The following DNAH11 variants were observed in gnomAD, a reference collection of about 807,000 sequenced individuals.
DNAH11 encodes dynein axonemal heavy chain 11, also known as axonemal beta dynein heavy chain 11.
DNAH11 carries 442 observed loss-of-function variants against 526.0 expected under a neutral mutation model. The ratio of observed to expected loss-of-function variants is 0.84; its 90% CI spans 0.78 to 0.91. DNAH11 has a LOEUF of 0.91. Ranked by LOEUF, DNAH11 falls within the 40% of genes least tolerant of loss-of-function variation. The pLI, the probability that DNAH11 is intolerant of heterozygous loss-of-function variation, is 0.00. For synonymous variants in DNAH11, 2,461 were observed against 1,935.9 expected (o/e 1.27, Z -7.12); for missense variants, 6,989 against 5,448.7 (o/e 1.28, Z -8.90).
At chr7:21,722,584 T>C (rs1784920980) in intron 44 of DNAH11, among the ~76,000 whole-genome samples, 1 of 152,148 alleles carries the variant, frequency 6.6e-6, no homozygotes, top group Admixed American at 6.5e-5. Flanking sequence ...TATAATAATA[T>C]AGTTGGAATT....
chr7:21,727,884 C>G lies in DNAH11; in HGVS notation c.7440+1900C>G, dbSNP rs185917352. 2.8e-4 allele frequency among the ~76,000 whole-genome samples: 43 copies of G among 152,280 alleles called. 1 individual carries two copies. The highest frequency in any genetic ancestry group is 1.0e-3 in the African/African-American group (43 of 41,566). ...GAGACACTGAGGGGTTTTGTTTCTCCTGCAGCCTTTCTCCTCGGTTTGCTG... is the reference window on the plus strand; with the variant it reads ...GAGACACTGAGGGGTTTTGTTTCTCGTGCAGCCTTTCTCCTCGGTTTGCTG... On this transcript the variant is annotated intron_variant, in intron 45 of 81. Coordinates refer to ENST00000409508, the MANE Select transcript of DNAH11 (RefSeq NM_001277115.2).
intron 57 of DNAH11, among the ~76,000 whole-genome samples, chr7:21,781,404 A>G (rs1353859951): frequency 6.6e-6 from 1 of 152,220 alleles, no homozygotes; most frequent in Non-Finnish European, 1.5e-5. Context: ...AGTGACTTCC[A>G]AATCACACAA....
intron 66 of DNAH11, 133 bp from the exon 67 acceptor site, chr7:21,852,334 G>A: frequency 1.2e-6 from 1 of 814,424 alleles, no homozygotes; most frequent in South Asian, 2.2e-5. Flanking sequence ...TTTAACCCAG[G>A]AGGCACACGT....
Position 21,843,051 on chromosome 7 carries a change from AC to A in DNAH11, c.10896+304del, listed in dbSNP as rs1782275821. Among the ~76,000 whole-genome samples the A allele has an allele frequency of 2.6e-5, 4 of 152,332 alleles. No individual in the cohort carries two copies. In the South Asian group the frequency reaches 8.3e-4, roughly 32 times the overall value. ...GCCCAGGTATGTTGGAATGTAATCGACTAATTTAGCCTGGGCTAAAGAATGA... is the reference window on the plus strand; with the variant it reads ...GCCCAGGTATGTTGGAATGTAATCGATAATTTAGCCTGGGCTAAAGAATGA... On this transcript the variant is annotated intron_variant, in intron 66 of 81. Transcript: ENST00000409508.
At position 21,588,980 on chromosome 7, in the gene DNAH11, C is replaced by T. The variant is rs557675034; in HGVS notation, c.1974-228C>T. ...TACCTTTTTCTTCTCTTCCTAGGAG[C>T]CAGTAGCTTGTTGCTATCAACATTT... On this transcript the variant is annotated intron_variant, in intron 11 of 81. Transcript: ENST00000409508. Among the ~76,000 whole-genome samples, 9 of 152,194 alleles carry T rather than the reference C, an allele frequency of 5.9e-5. No individual in the cohort carries two copies. The South Asian group carries it at 1.9e-3, about 32-fold the overall frequency.
intron 28 of DNAH11, among the ~76,000 whole-genome samples, chr7:21,654,816 C>T (rs1441743137): frequency 6.6e-6 from 1 of 152,114 alleles, no homozygotes; most frequent in African/African-American, 2.4e-5. Flanking sequence ...AGTCTGTTCT[C>T]TTTTTGTCTC....
intron 25 of DNAH11, among the ~76,000 whole-genome samples, chr7:21,631,228 G>C (rs2140584): frequency 2.6e-5 from 4 of 152,162 alleles, no homozygotes; most frequent in East Asian, 1.9e-4. Context: ...CCGTGATTCA[G>C]TTACCTCCCA....
chr7:21,675,024 G>C (rs147389228), intron 30 of DNAH11, among the ~76,000 whole-genome samples: 35 of 152,254 alleles, frequency 2.3e-4, no homozygotes, highest in African/African-American at 8.4e-4. Flanking sequence ...CCTAGACCAA[G>C]CCACTCTCTT....
chr7:21,617,770 C>G lies in DNAH11; in HGVS notation c.4247C>G (p.Ala1416Gly). Reference sequence around the variant, plus strand: ...AGGCATTGGCACCAGCTGATGAAAGCTATTGGGGTCAGTATCCTTGGTCTC... The same window carrying G: ...AGGCATTGGCACCAGCTGATGAAAGGTATTGGGGTCAGTATCCTTGGTCTC... ...RDRHWHQLMKAIGVKFLINEA... is the reference protein window; with the variant it reads ...RDRHWHQLMKGIGVKFLINEA... The change falls in exon 23 of 82, where the codon GCT (alanine) becomes GGT (glycine). Residue 1416 changes from alanine to glycine, a missense_variant. Transcript: ENST00000409508. The G allele has an allele frequency of 6.3e-7, 1 of 1,597,038 alleles. No homozygotes were observed. Among genetic ancestry groups the G allele is most frequent in the Non-Finnish European group, 8.5e-7 (1 of 1,172,816 alleles).
intron 36 of DNAH11, among the ~76,000 whole-genome samples, 163 bp downstream of exon 36, chr7:21,698,376 A>G (rs940471345): frequency 6.6e-6 from 1 of 152,166 alleles, no homozygotes; most frequent in Admixed American, 6.6e-5. Flanking sequence ...TTTTGGTTAC[A>G]TGGATAAGTT....
intron 61 of DNAH11, among the ~76,000 whole-genome samples, chr7:21,794,467 A>G (rs577108320): frequency 1.3e-5 from 2 of 152,280 alleles, no homozygotes; most frequent in East Asian, 3.9e-4. Context: ...TTTCAGCACT[A>G]TATGGAACAT....
At chr7:21,781,225 T>G (rs1199668866) in intron 57 of DNAH11, among the ~76,000 whole-genome samples, 1 of 152,220 alleles carries the variant, frequency 6.6e-6, no homozygotes, top group East Asian at 1.9e-4. Context: ...AAAGTAATGC[T>G]GCATAACTCA....
chr7:21,655,608 TCATCAGC>T lies in DNAH11; in HGVS notation c.4945-221_4945-215del, dbSNP rs1249465173. Among the ~76,000 whole-genome samples, 5 of 152,156 alleles carry T rather than the reference TCATCAGC, an allele frequency of 3.3e-5. No individual in the cohort carries two copies. In the East Asian group the frequency reaches 9.6e-4, roughly 29 times the overall value. ...ATAGGTCACTTTTCATGGTAAGCAT[TCATCAGC>T]CAGTATGTGATGATTTGACCAGAGT... is the stretch of plus-strand genomic sequence containing the variant. On this transcript the variant is annotated intron_variant, in intron 28 of 81. Coordinates refer to ENST00000409508, the MANE Select transcript of DNAH11 (RefSeq NM_001277115.2).
At position 21,606,476 on chromosome 7, in the gene DNAH11, A is replaced by G. The variant is rs1347025384; in HGVS notation, c.3699A>G (p.Arg1233=). Residue 1233 remains arginine (R), a synonymous_variant, in exon 19 of 82, where the codon AGA becomes AGG. Transcript: ENST00000409508. Reference sequence around the variant, plus strand: ...CCAAAAAGATCGCAGCAACTGTCAGACATGAAGTCTCACCTCTCCATAATG... The same window carrying G: ...CCAAAAAGATCGCAGCAACTGTCAGGCATGAAGTCTCACCTCTCCATAATG... ...ETTKKIAATV[R]HEVSPLHNAE... is the part of the protein sequence containing the mutation. 6.2e-7 allele frequency: 1 copy of G among 1,610,886 alleles called. No homozygotes were observed. The highest frequency in any genetic ancestry group is 2.2e-5 in the East Asian group (1 of 44,882).
chr7:21,866,390 T>G lies in DNAH11; in HGVS notation c.11497-80T>G, dbSNP rs1225048724. ...CCAGCACAGTTTTTTTACATAAGATTAGATACATTCACAAGTCTTCTTCTC... is the reference window on the plus strand; with the variant it reads ...CCAGCACAGTTTTTTTACATAAGATGAGATACATTCACAAGTCTTCTTCTC... On this transcript the variant is annotated intron_variant, in intron 70 of 81. Transcript: ENST00000409508. The G allele has an allele frequency of 2.9e-6, 4 of 1,363,188 alleles. No homozygotes were observed. The South Asian group carries it at 5.8e-5, about 20-fold the overall frequency. 84.4% of individuals were successfully genotyped at this position (1,363,188 alleles called of 1,614,324 possible).
At chr7:21,876,831 T>C (rs954640390) in intron 74 of DNAH11, among the ~76,000 whole-genome samples, 12 of 152,366 alleles carry the variant, frequency 7.9e-5, no homozygotes, top group Non-Finnish European at 1.8e-4. Context: ...GAAATTCTCC[T>C]TTCATCTCAT....
chr7:21,859,752 G>A (rs1416642949), intron 68 of DNAH11, among the ~76,000 whole-genome samples: 3 of 151,908 alleles, frequency 2.0e-5, no homozygotes, highest in Non-Finnish European at 4.4e-5. Flanking sequence ...TTTATATAGA[G>A]AGATATAGCA....
chr7:21,545,220 C>G, intron 2 of DNAH11, 71 bp downstream of exon 2: 1 of 1,277,886 alleles, frequency 7.8e-7, no homozygotes, highest in Non-Finnish European at 1.0e-6. Flanking sequence ...TAGGACAACT[C>G]CGATAATTAA....
chr7:21,683,709 A>G, intron 31 of DNAH11, 75 bp from the exon 32 acceptor site: 3 of 1,417,970 alleles, frequency 2.1e-6, no homozygotes, highest in Non-Finnish European at 2.8e-6. Context: ...GTGAACCAGT[A>G]GAGTTGATTA....
Sources: gnomAD v4.1 joint callset for allele counts (sites outside exome capture counted in the v4.1 genomes callset) on GRCh38, gnomAD v4.1.1 for gene constraint, MANE v1.5 for transcripts, NCBI Gene and HGNC (gene_info 2026-07-23, HGNC 2026-07-21) for gene names.